FAM110B: variants seen among roughly 807,000 people sequenced by gnomAD.
FAM110B encodes family with sequence similarity 110 member B.
Under a neutral mutation model 20.4 loss-of-function variants are expected in FAM110B, and 6 were observed. The ratio of observed to expected loss-of-function variants is 0.29; its 90% CI spans 0.16 to 0.58. The LOEUF (loss-of-function observed/expected upper bound fraction) is 0.58, where lower values mean the gene tolerates loss of function less well. Among genes scored for constraint, FAM110B ranks in the 20% least tolerant of loss-of-function variants. The pLI is 0.90. For missense variants in FAM110B, 434 were observed against 498.2 expected (o/e 0.87, Z 1.23); for synonymous variants, 226 against 214.1 (o/e 1.06, Z -0.49).
chr8:58,046,633 A>G (rs888329268), intron 2 of FAM110B, among the ~76,000 whole-genome samples: 2 of 151,970 alleles, frequency 1.3e-5, no homozygotes, highest in Non-Finnish European at 2.9e-5. Flanking sequence ...AACCTTTGAA[A>G]CTCCCTTAGA....
intron 3 of FAM110B, among the ~76,000 whole-genome samples, chr8:58,092,611 T>C (rs1215715688): frequency 6.6e-6 from 1 of 152,254 alleles, no homozygotes; most frequent in Non-Finnish European, 1.5e-5. Flanking sequence ...TTCAATGGTG[T>C]ACATATGTCA....
intron 3 of FAM110B, among the ~76,000 whole-genome samples, chr8:58,118,533 C>T (rs1359318226): frequency 6.6e-5 from 10 of 152,152 alleles, no homozygotes; most frequent in Non-Finnish European, 1.5e-4. Context: ...GGCTTAATTG[C>T]AGATGCTTAC....
Position 58,147,453 on chromosome 8 carries a change from G to T in FAM110B, c.*110G>T. 4 of 1,343,916 alleles carry T rather than the reference G, an allele frequency of 3.0e-6. No individual in the cohort carries two copies. Among genetic ancestry groups the T allele is most frequent in the Non-Finnish European group, 4.1e-6 (4 of 985,696 alleles). 83.2% of individuals were successfully genotyped at this position (1,343,916 alleles called of 1,614,324 possible). ...TTCTCCACTCTTTGTGTTGCTTGTT[G>T]TGCAATGTTTTCAAGTTGCATGCTT... On this transcript the variant is annotated 3_prime_UTR_variant, in exon 4 of 4. Transcript: ENST00000519262.
At chr8:58,048,783 T>G (rs1176558171) in intron 2 of FAM110B, among the ~76,000 whole-genome samples, 2 of 152,238 alleles carry the variant, frequency 1.3e-5, no homozygotes, top group African/African-American at 4.8e-5. Flanking sequence ...CTGACTTTGT[T>G]GAGCACACAG....
intron 2 of FAM110B, among the ~76,000 whole-genome samples, chr8:58,033,057 C>T (rs556335524): frequency 6.6e-6 from 1 of 151,954 alleles, no homozygotes; most frequent in South Asian, 2.1e-4. Context: ...CAGCCTTTTC[C>T]CCCTGTAACT....
At chr8:58,092,269 A>G (rs1246542645) in intron 3 of FAM110B, among the ~76,000 whole-genome samples, 1 of 152,016 alleles carries the variant, frequency 6.6e-6, no homozygotes, top group Non-Finnish European at 1.5e-5. Flanking sequence ...ATTTTACTCT[A>G]AGTTCTGGGA....
intron 3 of FAM110B, among the ~76,000 whole-genome samples, chr8:58,133,681 G>T (rs912244172): frequency 2.0e-5 from 3 of 151,606 alleles, no homozygotes; most frequent in African/African-American, 7.3e-5. Context: ...GGGCATCTTG[G>T]TCAGGGGAGG....
intron 1 of FAM110B, among the ~76,000 whole-genome samples, chr8:58,002,100 C>T (rs1271799342): frequency 6.6e-6 from 1 of 152,102 alleles, no homozygotes; most frequent in African/African-American, 2.4e-5. Flanking sequence ...CCATTTGGGC[C>T]TTCTACTGGT....
intron 3 of FAM110B, among the ~76,000 whole-genome samples, chr8:58,144,176 C>G (rs545807425): frequency 6.6e-6 from 1 of 152,234 alleles, no homozygotes; most frequent in African/African-American, 2.4e-5. Context: ...CACTGTGCCC[C>G]CAAACTTTCT....
chr8:58,124,237 G>C (rs541060059), intron 3 of FAM110B, among the ~76,000 whole-genome samples: 9 of 152,314 alleles, frequency 5.9e-5, no homozygotes, highest in African/African-American at 2.2e-4. Context: ...GGGTTACTCA[G>C]TCAGCCCACA....
At chr8:58,136,003 C>CTTT (rs5891669) in intron 3 of FAM110B, among the ~76,000 whole-genome samples, 2 of 71,494 alleles carry the variant, frequency 2.8e-5, no homozygotes, top group Non-Finnish European at 4.9e-5. Flanking sequence ...CCAGCAAGTC[C>CTTT]TTTTTTTTTT....
intron 3 of FAM110B, among the ~76,000 whole-genome samples, chr8:58,108,183 G>C (rs1806967747): frequency 6.6e-6 from 1 of 152,158 alleles, no homozygotes; most frequent in African/African-American, 2.4e-5. Flanking sequence ...TCTGAGCCTG[G>C]GGTGAAGATT....
chr8:58,015,130 T>G (rs1585812328), intron 1 of FAM110B, among the ~76,000 whole-genome samples: 2 of 152,028 alleles, frequency 1.3e-5, no homozygotes, highest in Non-Finnish European at 2.9e-5. Flanking sequence ...CCAAGGCAGG[T>G]GGATCACTTG....
chr8:58,148,565 G>A lies in FAM110B; in HGVS notation c.*1222G>A, dbSNP rs948366023. The A allele has an allele frequency of 6.0e-6, 1 of 167,034 alleles. No homozygotes were observed. Among genetic ancestry groups the A allele is most frequent in the Admixed American group, 6.5e-5 (1 of 15,284 alleles). 10.3% of individuals were successfully genotyped at this position (167,034 alleles called of 1,614,324 possible). A position where few individuals can be genotyped will look rare whatever the true frequency, so the allele number is the denominator to read the frequency against. ...TGGTACAGTTAGCTGTCACTCAGCT[G>A]ACACCATGATGTGGCAGCAGAGAGG... On this transcript the variant is annotated 3_prime_UTR_variant, in exon 4 of 4. Transcript: ENST00000519262.
At position 58,146,356 on chromosome 8, in the gene FAM110B, G is replaced by A; in HGVS notation, c.126G>A (p.Glu42=). 1 of 1,614,050 alleles carries A rather than the reference G, an allele frequency of 6.2e-7. No homozygotes were observed. The highest frequency in any genetic ancestry group is 8.5e-7 in the Non-Finnish European group (1 of 1,180,002). The change falls in exon 4 of 4, where the codon GAG becomes GAA. Residue 42 remains glutamate, a synonymous_variant. Coordinates refer to ENST00000519262, the MANE Select transcript of FAM110B (RefSeq NM_001377989.1). The part of the protein sequence containing the change: ...KGPDYFRRQA[E]PNPKRLSAVE... The stretch of plus-strand genomic sequence containing the variant: ...CAGACTACTTCCGCAGGCAGGCCGA[G>A]CCCAACCCCAAGAGGCTCAGCGCCG...
intron 3 of FAM110B, among the ~76,000 whole-genome samples, chr8:58,095,831 C>T (rs946165671): frequency 3.9e-5 from 6 of 152,170 alleles, no homozygotes; most frequent in Non-Finnish European, 8.8e-5. Context: ...CTCATATTGA[C>T]AGTGGGATGT....
chr8:58,108,798 T>C (rs1806982666), intron 3 of FAM110B, among the ~76,000 whole-genome samples: 1 of 152,352 alleles, frequency 6.6e-6, no homozygotes, highest in Middle Eastern at 3.4e-3. Flanking sequence ...TTGTGAACCA[T>C]GGTGAAAATG....
intron 3 of FAM110B, among the ~76,000 whole-genome samples, chr8:58,132,950 A>G (rs16923091): frequency 0.13 from 20,051 of 152,184 alleles, 1,840 homozygotes; most frequent in African/African-American, 0.25. Context: ...TTAGTAAACA[A>G]GAGTGAGAAG....
At chr8:58,095,157 T>C (rs1298543022) in intron 3 of FAM110B, among the ~76,000 whole-genome samples, 2 of 152,150 alleles carry the variant, frequency 1.3e-5, no homozygotes, top group Non-Finnish European at 2.9e-5. Flanking sequence ...GTCTGGCTAG[T>C]GGTCTATCTA....
Sources: allele counts gnomAD v4.1 joint callset (sites outside exome capture counted in the v4.1 genomes callset), GRCh38; gene constraint gnomAD v4.1.1; transcripts MANE v1.5; gene names NCBI Gene and HGNC (gene_info 2026-07-23, HGNC 2026-07-21).